CD101: variants seen among roughly 807,000 people sequenced by gnomAD.
CD101 encodes the protein CD101 molecule.
A neutral mutation model predicts 98.2 loss-of-function variants in CD101; 76 were observed. The observed-to-expected ratio is 0.77, with a 90% CI of 0.64 to 0.94. CD101 has a LOEUF of 0.94. Among genes scored for constraint, CD101 ranks in the 40% least tolerant of loss-of-function variants. The pLI, the probability that CD101 is intolerant of heterozygous loss-of-function variation, is 0.00. For synonymous variants in CD101, 471 were observed against 472.7 expected (o/e 1.00, Z 0.05); for missense variants, 1,145 against 1,218.8 (o/e 0.94, Z 0.90).
Position 117,010,023 on chromosome 1 carries a change from A to T in CD101, c.217A>T (p.Ile73Phe). 1 of 1,614,232 alleles carries T rather than the reference A, an allele frequency of 6.2e-7. No individual in the cohort carries two copies. The highest frequency in any genetic ancestry group is 8.5e-7 in the Non-Finnish European group (1 of 1,180,034). ...AAACCCGACCCAGGAAGTCCAGATC[A>T]TTAGCACCAAGGATGCTGCCTTCTC... ...PTNPTQEVQI[I>F]STKDAAFSYA... The change falls in exon 2 of 10, where the codon ATT becomes TTT. Residue 73 changes from isoleucine to phenylalanine, a missense_variant. Coordinates refer to ENST00000682167, the MANE Select transcript of CD101 (RefSeq NM_001256106.3). The surrounding 1 kb of genome is among the most constrained non-coding windows in gnomAD (Gnocchi z 5.2).
chr1:117,003,720 A>G (rs935506789), intron 1 of CD101, among the ~76,000 whole-genome samples: 1 of 152,208 alleles, frequency 6.6e-6, no homozygotes, highest in South Asian at 2.1e-4. Context: ...GGGAAGCTGG[A>G]AGCTTTTCCT....
intron 4 of CD101, among the ~76,000 whole-genome samples, chr1:117,016,778 C>T (rs1331829434): frequency 1.3e-5 from 2 of 152,120 alleles, no homozygotes; most frequent in East Asian, 3.9e-4. Flanking sequence ...ATTGCTTGAG[C>T]CAAGGAGTTT....
intron 4 of CD101, among the ~76,000 whole-genome samples, chr1:117,016,146 CGTTGTTGTACAA>C (rs1653203169): frequency 1.3e-5 from 2 of 149,578 alleles, no homozygotes; most frequent in Non-Finnish European, 3.0e-5. Flanking sequence ...TTGTTGTACA[CGTTGTTGTACAA>C]CAACGTGTGT....
intron 8 of CD101, among the ~76,000 whole-genome samples, chr1:117,029,530 C>T (rs1163517197): frequency 6.6e-6 from 1 of 152,208 alleles, no homozygotes; most frequent in East Asian, 1.9e-4. Flanking sequence ...CCCACACCTG[C>T]AGTTACCTGT....
intron 5 of CD101, among the ~76,000 whole-genome samples, chr1:117,017,791 T>C (rs552149589): frequency 6.6e-6 from 1 of 152,234 alleles, no homozygotes; most frequent in South Asian, 2.1e-4. Context: ...GCAGAGCCCA[T>C]TGAAGCATGT....
Position 117,034,024 on chromosome 1 carries a change from C to G in CD101, c.2989C>G (p.Leu997Val), listed in dbSNP as rs748472532. The change falls in exon 9 of 10, where the codon CTC (leucine) becomes GTC (valine). Residue 997 changes from leucine (L) to valine (V), a missense_variant. Coordinates refer to ENST00000682167, the MANE Select transcript of CD101 (RefSeq NM_001256106.3). ...LRSNTRKEKA[L>V]WVDLKEAGGV... is the part of the protein sequence containing the mutation. ...TTCCAACACACGGAAAGAAAAAGCT[C>G]TCTGGGTGGACTTGAAAGAGGCTGG... is the stretch of plus-strand genomic sequence containing the variant. 6 of 1,614,122 alleles carry G rather than the reference C, an allele frequency of 3.7e-6. No individual in the cohort carries two copies. Among genetic ancestry groups the G allele is most frequent in the Non-Finnish European group, 4.2e-6 (5 of 1,180,028 alleles).
At chr1:117,029,217 GA>G (rs1553188342) in intron 8 of CD101, among the ~76,000 whole-genome samples, 3 of 21,658 alleles carry the variant, frequency 1.4e-4, no homozygotes, top group Non-Finnish European at 1.6e-4. Flanking sequence ...AGAAAGAAAA[GA>G]AAGAAAGAAA....
chr1:117,032,767 T>C (rs1277146680), intron 8 of CD101, among the ~76,000 whole-genome samples: 2 of 152,100 alleles, frequency 1.3e-5, no homozygotes, highest in African/African-American at 4.8e-5. Context: ...CAATAGACTG[T>C]TTCCTGAAAC....
Position 117,033,754 on chromosome 1 carries a change from T to C in CD101, c.2825-106T>C. On this transcript the variant is annotated intron_variant, in intron 8 of 9. Coordinates refer to ENST00000682167, the MANE Select transcript of CD101 (RefSeq NM_001256106.3). The surrounding 1 kb of genome is among the most constrained non-coding windows in gnomAD (Gnocchi z 4.8). Reference sequence around the variant, plus strand: ...GGCCCACTGCTATTTGGCCCCATTATTTTTACATATACTTGCCTATAACAA... The same window carrying C: ...GGCCCACTGCTATTTGGCCCCATTACTTTTACATATACTTGCCTATAACAA... 1 of 1,491,262 alleles carries C rather than the reference T, an allele frequency of 6.7e-7. No individual in the cohort carries two copies. The allele number at this position is 1,491,262 out of a possible 1,614,324, so 92.4% of individuals were successfully genotyped here. A position where few individuals can be genotyped will look rare whatever the true frequency, so the allele number is the denominator to read the frequency against.
At chr1:117,025,432 G>A (rs1653845202) in intron 7 of CD101, 77 bp from the exon 8 acceptor site, 5 of 1,262,026 alleles carry the variant, frequency 4.0e-6, no homozygotes, top group Non-Finnish European at 1.1e-6. Flanking sequence ...TCTTCCCAGT[G>A]AGAACTAGAT....
rs780928015 is a variant in CD101 at position 117,011,697 on chromosome 1, G to A, written c.572G>A (p.Gly191Glu). Residue 191 changes from glycine (G) to glutamate (E), a missense_variant, in exon 3 of 10, where the codon GGA (glycine) becomes GAA (glutamate). Physicochemically the swap from Gly to Glu is moderately conservative, Grantham distance 98. Transcript: ENST00000682167. ...SVTWYLTQDG[G>E]GSQATEIISL... is the part of the protein sequence containing the mutation. ...ACCTGGTACCTAACACAGGATGGAG[G>A]AGGAAGCCAAGCCACTGAGATTATT... 3.7e-6 allele frequency: 6 copies of A among 1,614,024 alleles called. No individual in the cohort carries two copies. In the Admixed American group the frequency reaches 6.7e-5, roughly 18 times the overall value.
intron 8 of CD101, among the ~76,000 whole-genome samples, chr1:117,028,473 T>C (rs1427463178): frequency 6.6e-6 from 1 of 152,170 alleles, no homozygotes; most frequent in Non-Finnish European, 1.5e-5. Context: ...CTGTGAGTTA[T>C]TGATAAAGGT....
rs1388083519 is a variant in CD101, at chr1:117,012,486, C to T, written c.841+520C>T. On this transcript the variant is annotated intron_variant, in intron 3 of 9. Transcript: ENST00000682167. This position sits in a 1 kb window ranked among gnomAD's most constrained non-coding sequence, Gnocchi z 4.0. ...AGTAGCTCCAGTTTCCAACATGAAG[C>T]CTTGTCTTCGTCAGTGCTGGGGTTT... 1.3e-5 allele frequency among the ~76,000 whole-genome samples: 2 copies of T among 152,244 alleles called. No individual in the cohort carries two copies. The highest frequency in any genetic ancestry group is 2.4e-5 in the African/African-American group (1 of 41,456).
rs1653582006 is a variant in CD101 at position 117,021,551 on chromosome 1, T to G, written c.2018-22T>G. ...ACTTTCTATTTCATAGCAAAGTAAC[T>G]GTTTCATTTTTTTAAATTTAGAGAG... is the stretch of plus-strand genomic sequence containing the variant. On this transcript the variant is annotated intron_variant, in intron 6 of 9. Coordinates refer to ENST00000682167, the MANE Select transcript of CD101 (RefSeq NM_001256106.3). This position sits in a 1 kb window ranked among gnomAD's most constrained non-coding sequence, Gnocchi z 4.7. The G allele has an allele frequency of 6.5e-7, 1 of 1,541,984 alleles. No individual in the cohort carries two copies. The highest frequency in any genetic ancestry group is 1.4e-5 in the African/African-American group (1 of 72,212).
chr1:117,011,444 A>G (rs954911415), intron 2 of CD101, 106 bp from the exon 3 acceptor site: 1 of 949,450 alleles, frequency 1.1e-6, no homozygotes. Context: ...TGGAAAACCA[A>G]CTCAAAGTCT....
chr1:117,030,405 AAG>A (rs1553188557), intron 8 of CD101, among the ~76,000 whole-genome samples: 10 of 149,218 alleles, frequency 6.7e-5, no homozygotes, highest in Non-Finnish European at 6.0e-5. Flanking sequence ...CAAACAAACA[AAG>A]AGAGAGAGAG....
chr1:117,033,877 A>C lies in CD101; in HGVS notation c.2842A>C (p.Arg948=), dbSNP rs770338838. 3.7e-6 allele frequency: 6 copies of C among 1,614,182 alleles called. No homozygotes were observed. In the Admixed American group the frequency reaches 1.0e-4, roughly 27 times the overall value. Residue 948 remains arginine (R), a synonymous_variant, in exon 9 of 10, where the codon AGG becomes CGG. Transcript: ENST00000682167. The surrounding 1 kb of genome is among the most constrained non-coding windows in gnomAD (Gnocchi z 4.8). ...CGTTGCAGAGCCCACGCTTCCTTCC[A>C]GGATCTGCTCCTCGGCCCCTTTACT... ...VLPSEPTLPS[R]ICSSAPLLYF...
rs1337687739 is a variant in CD101 at position 117,025,607 on chromosome 1, G to A, written c.2527G>A (p.Ala843Thr). Residue 843 changes from alanine (A) to threonine (T), a missense_variant, in exon 8 of 10, where the codon GCC (alanine) becomes ACC (threonine). Physicochemically the swap from Ala to Thr is moderately conservative, Grantham distance 58 (BLOSUM62 0). Transcript: ENST00000682167. ...CAGCCTGGAGAGTGTAGGCAGCTCA[G>A]CCACTCTGTACTCTGTGATGTGGTA... ...RCSLESVGSSATLYSVMWYWN... is the reference protein window; with the variant it reads ...RCSLESVGSSTTLYSVMWYWN... 3.7e-6 allele frequency: 6 copies of A among 1,614,052 alleles called. No individual in the cohort carries two copies. The highest frequency in any genetic ancestry group is 1.1e-5 in the South Asian group (1 of 91,084).
intron 8 of CD101, among the ~76,000 whole-genome samples, chr1:117,031,401 A>C (rs3767780): frequency 0.47 from 70,897 of 152,050 alleles, 16,953 homozygotes; most frequent in African/African-American, 0.55. Flanking sequence ...TGTGGACTCT[A>C]ACCTCACAAT....
Sources: allele counts gnomAD v4.1 joint callset (sites outside exome capture counted in the v4.1 genomes callset), GRCh38; gene constraint gnomAD v4.1.1; non-coding constraint Gnocchi (gnomAD v3.1); transcripts MANE v1.5; gene names NCBI Gene and HGNC (gene_info 2026-07-23, HGNC 2026-07-21).